The following PAK2 variants were observed in gnomAD, a reference collection of about 807,000 sequenced individuals.
The protein encoded by PAK2 is p21 (RAC1) activated kinase 2, also known as serine/threonine-protein kinase PAK 2.
A neutral mutation model predicts 65.9 loss-of-function variants in PAK2; 21 were observed. The ratio of observed to expected loss-of-function variants is 0.32; its 90% confidence interval spans 0.23 to 0.46. The LOEUF (loss-of-function observed/expected upper bound fraction) is 0.46. Ranked by LOEUF, PAK2 falls within the 20% of genes least tolerant of loss-of-function variation. The pLI, the probability that PAK2 is intolerant of heterozygous loss-of-function variation, is 1.00. For missense variants in PAK2, 324 were observed against 642.6 expected, an observed-to-expected ratio of 0.50 and a Z score of 5.36; for synonymous variants, 204 against 219.7, an observed-to-expected ratio of 0.93 and a Z score of 0.63.
intron 13 of PAK2, among the ~76,000 whole-genome samples, chr3:196,821,370 C>T (rs142361263): frequency 0.015 from 2,304 of 151,544 alleles, 42 homozygotes; most frequent in African/African-American, 0.044. Flanking sequence ...GATAACACTT[C>T]ACAACTACTA....
chr3:196,824,086 C>T (rs1425994212), intron 13 of PAK2, among the ~76,000 whole-genome samples: 3 of 152,122 alleles, frequency 2.0e-5, no homozygotes, highest in Non-Finnish European at 2.9e-5. Flanking sequence ...TTGACCAGGC[C>T]AGGGCACATG....
intron 2 of PAK2, among the ~76,000 whole-genome samples, chr3:196,796,456 C>G (rs1463110035): frequency 6.6e-6 from 1 of 151,982 alleles, no homozygotes; most frequent in Non-Finnish European, 1.5e-5. Context: ...GAGTCATTGC[C>G]ATTAGGTGCA....
intron 13 of PAK2, among the ~76,000 whole-genome samples, chr3:196,826,200 C>T (rs1711860159): frequency 6.6e-6 from 1 of 151,564 alleles, no homozygotes; most frequent in African/African-American, 2.4e-5. Flanking sequence ...GGGACGGAGT[C>T]TCGCTCTGTC....
intron 1 of PAK2, among the ~76,000 whole-genome samples, chr3:196,741,414 G>A (rs1713188016): frequency 6.6e-6 from 1 of 152,212 alleles, no homozygotes; most frequent in Admixed American, 6.5e-5. Context: ...GCCCACTCAT[G>A]CTCGTGTATA....
chr3:196,763,909 C>G (rs892085225), intron 1 of PAK2, among the ~76,000 whole-genome samples: 1 of 151,958 alleles, frequency 6.6e-6, no homozygotes, highest in Non-Finnish European at 1.5e-5. Context: ...TGCCATTCTC[C>G]TGCCTCAGCC....
chr3:196,774,591 T>A (rs1428903927), intron 1 of PAK2, among the ~76,000 whole-genome samples: 2 of 152,160 alleles, frequency 1.3e-5, no homozygotes, highest in Non-Finnish European at 2.9e-5. Flanking sequence ...GGAAAGTCTT[T>A]GGTGTATTTG....
At chr3:196,775,849 C>T (rs557496869) in intron 1 of PAK2, among the ~76,000 whole-genome samples, 31 of 152,190 alleles carry the variant, frequency 2.0e-4, no homozygotes, top group Non-Finnish European at 3.7e-4. Context: ...CCATTGCATG[C>T]ATTTGGGTTT....
At chr3:196,808,544 T>C (rs1280401516) in intron 7 of PAK2, among the ~76,000 whole-genome samples, 39 of 73,086 alleles carry the variant, frequency 5.3e-4, no homozygotes, top group Middle Eastern at 0.029. Context: ...CTGGCAACAG[T>C]GAGACTCCAT....
intron 1 of PAK2, among the ~76,000 whole-genome samples, chr3:196,761,275 C>T (rs535930405): frequency 4.4e-5 from 5 of 113,986 alleles, no homozygotes; most frequent in African/African-American, 1.7e-4. Flanking sequence ...ACAAAGGTCT[C>T]TGGTTTTCCT....
intron 14 of PAK2, 108 bp downstream of exon 14, chr3:196,827,441 C>G: frequency 6.6e-7 from 1 of 1,510,276 alleles, no homozygotes; most frequent in Non-Finnish European, 8.8e-7. Context: ...TGATCACCAG[C>G]GGTATGGCAG....
chr3:196,812,530 T>G lies in PAK2; in HGVS notation c.823-209T>G, dbSNP rs1382995134. ...TTCTTAGTATTGGACTGACTGTGGG[T>G]GTATTAATCAACTTCAAGATAAATC... On this transcript the variant is annotated intron_variant, in intron 9 of 14. Transcript: ENST00000327134. Among the ~76,000 whole-genome samples the G allele has an allele frequency of 3.9e-5, 6 of 152,156 alleles. No individual in the cohort carries two copies. The East Asian group carries it at 9.6e-4, about 24-fold the overall frequency.
intron 1 of PAK2, among the ~76,000 whole-genome samples, chr3:196,781,029 C>A (rs2108738539): frequency 6.6e-6 from 1 of 152,308 alleles, no homozygotes; most frequent in South Asian, 2.1e-4. Context: ...ACCTCGTGAT[C>A]CACCCGCCTC....
At chr3:196,811,315 T>TTCCC (rs1553808541) in intron 8 of PAK2, among the ~76,000 whole-genome samples, 4 of 1,054 alleles carry the variant, frequency 3.8e-3, no homozygotes, top group African/African-American at 6.8e-3. Context: ...CTTCCCTTCC[T>TTCCC]TTCCTTCCTT....
chr3:196,832,121 T>C lies in PAK2; in HGVS notation c.*3716T>C, dbSNP rs892126521. ...CTTGAAAGAACCGAAGTCTTTCCCA[T>C]TCACTTCTCTAGAAAGCTGCCAAGA... On this transcript the variant is annotated 3_prime_UTR_variant, in exon 15 of 15. Coordinates refer to ENST00000327134, the MANE Select transcript of PAK2 (RefSeq NM_002577.4). The C allele has an allele frequency of 1.4e-4, 22 of 152,214 alleles. No homozygotes were observed. Among genetic ancestry groups the C allele is most frequent in the African/African-American group, 5.1e-4 (21 of 41,458 alleles). 9.4% of individuals were successfully genotyped at this position (152,214 alleles called of 1,614,324 possible).
intron 13 of PAK2, among the ~76,000 whole-genome samples, chr3:196,824,931 C>T (rs966372237): frequency 3.9e-5 from 6 of 152,008 alleles, no homozygotes; most frequent in Admixed American, 2.6e-4. Flanking sequence ...ACAAATGTCC[C>T]ATAGTATAAT....
intron 1 of PAK2, among the ~76,000 whole-genome samples, chr3:196,771,661 C>T: frequency 6.6e-6 from 1 of 152,126 alleles, no homozygotes; most frequent in East Asian, 1.9e-4. Context: ...CAGGTTCAAG[C>T]AATTCTTCCG....
chr3:196,774,865 CTAGT>C (rs1341918887), intron 1 of PAK2, among the ~76,000 whole-genome samples: 2 of 152,182 alleles, frequency 1.3e-5, no homozygotes, highest in Admixed American at 6.5e-5. Flanking sequence ...CTCTAGGGAG[CTAGT>C]TATTAGGTGG....
chr3:196,818,658 G>A (rs746572534), intron 12 of PAK2, among the ~76,000 whole-genome samples: 2 of 152,204 alleles, frequency 1.3e-5, no homozygotes, highest in Admixed American at 6.5e-5. Context: ...GAGCCACCGC[G>A]GCTGGCCATG....
At chr3:196,817,239 AC>A (rs1472208865) in intron 11 of PAK2, among the ~76,000 whole-genome samples, 2 of 132,722 alleles carry the variant, frequency 1.5e-5, no homozygotes, top group African/African-American at 5.8e-5. Context: ...ATCTCAGCTT[AC>A]TGCAATCTCT....
Sources: gnomAD v4.1 joint callset for allele counts (sites outside exome capture counted in the v4.1 genomes callset) on GRCh38, gnomAD v4.1.1 for gene constraint, MANE v1.5 for transcripts, NCBI Gene and HGNC (gene_info 2026-07-23, HGNC 2026-07-21) for gene names.